KSR2: variants seen among roughly 807,000 people sequenced by gnomAD.
KSR2 encodes the protein kinase suppressor of ras 2.
In KSR2, 25 loss-of-function variants were observed where a neutral mutation model predicts 107.8. The ratio of observed to expected loss-of-function variants is 0.23; its 90% CI spans 0.17 to 0.32. The LOEUF (loss-of-function observed/expected upper bound fraction) is 0.32, where lower values mean the gene tolerates loss of function less well. Among genes scored for constraint, KSR2 ranks in the 10% least tolerant of loss-of-function variants. The pLI is 1.00. For synonymous variants in KSR2, 480 were observed against 507.0 expected, an observed-to-expected ratio of 0.95 and a Z score of 0.71; for missense variants, 887 against 1,268.9, an observed-to-expected ratio of 0.70 and a Z score of 4.57.
intron 14 of KSR2, among the ~76,000 whole-genome samples, chr12:117,492,502 C>G (rs939739751): frequency 1.3e-5 from 2 of 152,182 alleles, no homozygotes; most frequent in African/African-American, 4.8e-5. Flanking sequence ...TCACCTGAAG[C>G]CCCCACGACC....
intron 4 of KSR2, among the ~76,000 whole-genome samples, chr12:117,698,608 G>A (rs1434094275): frequency 6.6e-6 from 1 of 152,094 alleles, no homozygotes; most frequent in Non-Finnish European, 1.5e-5. Flanking sequence ...TTACAGGTAT[G>A]AGCCACTGTA....
chr12:117,691,544 G>C (rs1242635551), intron 4 of KSR2, among the ~76,000 whole-genome samples: 1 of 152,224 alleles, frequency 6.6e-6, no homozygotes, highest in Non-Finnish European at 1.5e-5. Context: ...GGTTGACATA[G>C]ACAGACGGCT....
chr12:117,772,239 C>A (rs1566006522), intron 3 of KSR2, among the ~76,000 whole-genome samples: 1 of 107,638 alleles, frequency 9.3e-6, no homozygotes, highest in African/African-American at 5.9e-5. Context: ...CCCAGACGCA[C>A]AAACACTCAC....
intron 2 of KSR2, among the ~76,000 whole-genome samples, chr12:117,857,161 C>A (rs776782249): frequency 6.6e-6 from 1 of 152,106 alleles, no homozygotes; most frequent in East Asian, 1.9e-4. Flanking sequence ...TGGGTTCAAG[C>A]GACCCTCCCA....
chr12:117,668,986 C>T (rs1345827092), intron 4 of KSR2, among the ~76,000 whole-genome samples: 1 of 152,072 alleles, frequency 6.6e-6, no homozygotes, highest in Non-Finnish European at 1.5e-5. Context: ...TTCCAGGGAC[C>T]CCTCAGCTCA....
chr12:117,630,545 G>A (rs1272254452), intron 5 of KSR2, among the ~76,000 whole-genome samples: 2 of 152,156 alleles, frequency 1.3e-5, no homozygotes, highest in African/African-American at 4.8e-5. Context: ...ATAAACAGGG[G>A]CTACCTGATC....
intron 10 of KSR2, among the ~76,000 whole-genome samples, chr12:117,538,614 T>G (rs962646649): frequency 6.6e-6 from 1 of 152,166 alleles, no homozygotes; most frequent in African/African-American, 2.4e-5. Context: ...CCAATGGAAC[T>G]TTCAGTGATG....
intron 1 of KSR2, among the ~76,000 whole-genome samples, chr12:117,892,194 TC>T (rs1894367411): frequency 6.6e-6 from 1 of 150,702 alleles, no homozygotes; most frequent in Admixed American, 6.6e-5. Context: ...TCCCAGCTAT[TC>T]AGGAGGCTGA....
At chr12:117,575,117 A>G (rs976477888) in intron 7 of KSR2, among the ~76,000 whole-genome samples, 1 of 152,120 alleles carries the variant, frequency 6.6e-6, no homozygotes, top group African/African-American at 2.4e-5. Flanking sequence ...TCATCTTATC[A>G]TATGACCTAA....
intron 5 of KSR2, among the ~76,000 whole-genome samples, chr12:117,649,263 C>T (rs1328370526): frequency 1.3e-5 from 2 of 152,182 alleles, no homozygotes; most frequent in Admixed American, 1.3e-4. Flanking sequence ...AACTCGACTG[C>T]AAGTTCACTG....
At chr12:117,700,247 G>A (rs1029224906) in intron 4 of KSR2, among the ~76,000 whole-genome samples, 1 of 152,110 alleles carries the variant, frequency 6.6e-6, no homozygotes, top group Non-Finnish European at 1.5e-5. Flanking sequence ...TCATTTTACA[G>A]AGGGGACACA....
rs550735135 is a variant in KSR2 at position 117,881,672 on chromosome 12, G to T, written c.181-21241C>A. ...TCATTTTACAAATGAGGAAATGGAG[G>T]TCAGCTGACTTGCCTTGCACAATGC... On this transcript the variant is annotated intron_variant, in intron 1 of 19. Transcript: ENST00000339824. Among the ~76,000 whole-genome samples, 231 of 152,316 alleles carry T rather than the reference G, an allele frequency of 1.5e-3. 1 individual carries two copies. Among genetic ancestry groups the T allele is most frequent in the South Asian group, 4.6e-3 (22 of 4,818 alleles).
chr12:117,875,134 A>G (rs1337550616), intron 1 of KSR2, among the ~76,000 whole-genome samples: 1 of 152,192 alleles, frequency 6.6e-6, no homozygotes, highest in African/African-American at 2.4e-5. Flanking sequence ...CGGTAAATTT[A>G]GCAGCATAAA....
At chr12:117,783,492 T>TA (rs1356559570) in intron 3 of KSR2, among the ~76,000 whole-genome samples, 5 of 152,178 alleles carry the variant, frequency 3.3e-5, no homozygotes, top group African/African-American at 7.2e-5. Context: ...ATTTTATACT[T>TA]AAAAAATACC....
chr12:117,587,996 T>C (rs1163072700), intron 5 of KSR2, among the ~76,000 whole-genome samples: 1 of 152,172 alleles, frequency 6.6e-6, no homozygotes, highest in Non-Finnish European at 1.5e-5. Flanking sequence ...GCTACAGCTC[T>C]AACCCTGACA....
At chr12:117,817,234 C>A (rs1262788957) in intron 3 of KSR2, among the ~76,000 whole-genome samples, 1 of 152,144 alleles carries the variant, frequency 6.6e-6, no homozygotes, top group African/African-American at 2.4e-5. Context: ...ATAAAGTTTG[C>A]TGACAAAGAG....
At chr12:117,828,395 G>A (rs936186873) in intron 3 of KSR2, among the ~76,000 whole-genome samples, 1 of 152,170 alleles carries the variant, frequency 6.6e-6, no homozygotes. Context: ...CCTTTGCAAC[G>A]TGCTATCCTG....
At chr12:117,625,750 A>G (rs9830915) in intron 5 of KSR2, among the ~76,000 whole-genome samples, 2 of 152,026 alleles carry the variant, frequency 1.3e-5, no homozygotes, top group African/African-American at 4.8e-5. Context: ...CTCTTTTTCT[A>G]TTGATTGGAA....
intron 3 of KSR2, among the ~76,000 whole-genome samples, chr12:117,826,710 A>G (rs866272511): frequency 3.1e-5 from 4 of 128,374 alleles, no homozygotes; most frequent in African/African-American, 1.3e-4. Context: ...ACACATGCAC[A>G]CACACACACA....
Sources: allele counts gnomAD v4.1 joint callset (sites outside exome capture counted in the v4.1 genomes callset), GRCh38; gene constraint gnomAD v4.1.1; transcripts MANE v1.5; gene names NCBI Gene and HGNC (gene_info 2026-07-23, HGNC 2026-07-21).